Variants in DIP2C observed in about 807,000 individuals in gnomAD.
The protein encoded by DIP2C is disco-interacting protein 2 homolog C.
A neutral mutation model predicts 192.4 loss-of-function variants in DIP2C; 33 were observed. The observed-to-expected ratio is 0.17, with a 90% CI of 0.13 to 0.23. DIP2C has a LOEUF of 0.23. DIP2C is among the 10% of genes least tolerant of loss of function. DIP2C has a pLI of 1.00. For synonymous variants in DIP2C, 979 were observed against 864.1 expected (o/e 1.13, Z -2.33); for missense variants, 1,537 against 2,110.1 (o/e 0.73, Z 5.32).
At chr10:536,892 T>C (rs1257994182) in intron 1 of DIP2C, among the ~76,000 whole-genome samples, 3 of 152,198 alleles carry the variant, frequency 2.0e-5, no homozygotes, top group African/African-American at 7.2e-5. Flanking sequence ...TATCTCAAAG[T>C]TAACACACGC....
At chr10:565,619 T>C (rs572905188) in intron 1 of DIP2C, among the ~76,000 whole-genome samples, 1 of 152,322 alleles carries the variant, frequency 6.6e-6, no homozygotes, top group East Asian at 1.9e-4. Context: ...GCTAAAGGAA[T>C]AAGGATGTAA....
chr10:416,607 C>T (rs765253386), intron 6 of DIP2C, among the ~76,000 whole-genome samples: 2 of 152,126 alleles, frequency 1.3e-5, no homozygotes, highest in Non-Finnish European at 2.9e-5. Context: ...CGAGAAAAGC[C>T]CCATTTTAAA....
At chr10:288,499 G>T in intron 32 of DIP2C, 78 bp from the exon 33 acceptor site, 1 of 1,475,820 alleles carries the variant, frequency 6.8e-7, no homozygotes, top group South Asian at 1.2e-5. Flanking sequence ...ACGAGGTCAC[G>T]AGCCTGGCAG....
At chr10:600,451 G>A (rs976407507) in intron 1 of DIP2C, among the ~76,000 whole-genome samples, 10 of 150,322 alleles carry the variant, frequency 6.7e-5, no homozygotes, top group East Asian at 1.9e-4. Flanking sequence ...CAGATGCTCC[G>A]GAGCCACCCG....
chr10:362,727 A>T (rs372017514), intron 21 of DIP2C, 36 bp from the exon 22 acceptor site: 10 of 1,573,014 alleles, frequency 6.4e-6, no homozygotes, highest in Non-Finnish European at 8.6e-6. Flanking sequence ...ATGTTATAAG[A>T]GGAAGTATAA....
At position 388,080 on chromosome 10, in the gene DIP2C, A is replaced by G. The variant is rs373370583; in HGVS notation, c.1598-271T>C. On this transcript the variant is annotated intron_variant, in intron 13 of 36. Coordinates refer to ENST00000280886, the MANE Select transcript of DIP2C (RefSeq NM_014974.3). ...AACGCAGCGTTCCTTCTCCTTTTATATATTTCCCCCTCTCTGCCTTTTTCT... is the reference window on the plus strand; with the variant it reads ...AACGCAGCGTTCCTTCTCCTTTTATGTATTTCCCCCTCTCTGCCTTTTTCT... 1.1e-3 allele frequency among the ~76,000 whole-genome samples: 166 copies of G among 151,994 alleles called. 1 individual carries two copies. The highest frequency in any genetic ancestry group is 3.7e-3 in the African/African-American group (151 of 41,356).
chr10:376,091 C>G (rs545466152), intron 17 of DIP2C, among the ~76,000 whole-genome samples: 4 of 152,224 alleles, frequency 2.6e-5, no homozygotes, highest in Non-Finnish European at 5.9e-5. Context: ...TGCTTTCAAG[C>G]TCTGTGTGTG....
At chr10:337,129 G>GA (rs1957841615) in intron 29 of DIP2C, among the ~76,000 whole-genome samples, 1 of 16,370 alleles carries the variant, frequency 6.1e-5, no homozygotes, top group African/African-American at 1.3e-4. Flanking sequence ...GGCCTAGGCA[G>GA]CTGTGTGTGT....
At chr10:384,685 C>G in intron 14 of DIP2C, 46 bp from the exon 15 acceptor site, 1 of 1,590,992 alleles carries the variant, frequency 6.3e-7, no homozygotes, top group East Asian at 2.2e-5. Context: ...GAGGGGCACG[C>G]AGAGGAGCAG....
intron 33 of DIP2C, among the ~76,000 whole-genome samples, chr10:287,885 C>T (rs1297135287): frequency 2.0e-5 from 3 of 152,154 alleles, no homozygotes; most frequent in African/African-American, 7.2e-5. Flanking sequence ...GAATTGATAT[C>T]TCAATAGTTC....
chr10:470,734 T>TA (rs151166303), intron 3 of DIP2C, among the ~76,000 whole-genome samples: 2,348 of 152,202 alleles, frequency 0.015, 66 homozygotes, highest in African/African-American at 0.054. Flanking sequence ...TCCTGTGTGG[T>TA]AAGATGGCCG....
In DIP2C at chr10:332,574, A is replaced by G. The variant is rs1345110626; in HGVS notation, c.3585-2973T>C. Reference sequence around the variant, plus strand: ...ACTGGCAATAAATTCTGCTATGGACAAGACAAACCTACTTAAGAGCAGGTT... The same window carrying G: ...ACTGGCAATAAATTCTGCTATGGACGAGACAAACCTACTTAAGAGCAGGTT... On this transcript the variant is annotated intron_variant, in intron 29 of 36. Coordinates refer to ENST00000280886, the MANE Select transcript of DIP2C (RefSeq NM_014974.3). 2.0e-5 allele frequency among the ~76,000 whole-genome samples: 3 copies of G among 152,222 alleles called. No homozygotes were observed. In the East Asian group the frequency reaches 5.8e-4, roughly 29 times the overall value.
intron 1 of DIP2C, among the ~76,000 whole-genome samples, chr10:592,831 A>G (rs1851481297): frequency 6.6e-6 from 1 of 151,588 alleles, no homozygotes; most frequent in Non-Finnish European, 1.5e-5. Flanking sequence ...AAGATGTACG[A>G]GCCGTCCCTG....
chr10:566,033 C>T (rs572823311), intron 1 of DIP2C, among the ~76,000 whole-genome samples: 10 of 152,262 alleles, frequency 6.6e-5, no homozygotes, highest in African/African-American at 1.4e-4. Flanking sequence ...CAGAGAGGGG[C>T]GGATTCCAAA....
chr10:634,127 A>G (rs987618858), intron 1 of DIP2C, among the ~76,000 whole-genome samples: 11 of 152,192 alleles, frequency 7.2e-5, no homozygotes, highest in African/African-American at 2.7e-4. Flanking sequence ...ATCATCAGAA[A>G]GAGCCTCCCA....
intron 1 of DIP2C, among the ~76,000 whole-genome samples, chr10:513,191 A>G (rs1452165014): frequency 6.6e-6 from 1 of 152,190 alleles, no homozygotes; most frequent in African/African-American, 2.4e-5. Context: ...CTGTATGCCT[A>G]AATTATTACA....
intron 1 of DIP2C, among the ~76,000 whole-genome samples, chr10:510,477 C>G (rs1845936665): frequency 6.6e-6 from 1 of 152,252 alleles, no homozygotes; most frequent in Non-Finnish European, 1.5e-5. Context: ...ACGCTCTTTC[C>G]CGCCTGGGGT....
chr10:307,109 A>T (rs574569707), intron 32 of DIP2C, among the ~76,000 whole-genome samples: 1 of 152,310 alleles, frequency 6.6e-6, no homozygotes, highest in South Asian at 2.1e-4. Flanking sequence ...ACCATGAGTG[A>T]AGCTCCCTGA....
At chr10:519,863 G>T (rs1846587935) in intron 1 of DIP2C, among the ~76,000 whole-genome samples, 2 of 152,068 alleles carry the variant, frequency 1.3e-5, no homozygotes, top group African/African-American at 2.4e-5. Context: ...GCCATTGAGG[G>T]GGAGGGGCCA....
Sources: allele counts gnomAD v4.1 joint callset (sites outside exome capture counted in the v4.1 genomes callset), GRCh38; gene constraint gnomAD v4.1.1; transcripts MANE v1.5; gene names NCBI Gene and HGNC (gene_info 2026-07-23, HGNC 2026-07-21).